The following GMDS variants were observed in gnomAD, a reference collection of about 807,000 sequenced individuals.
GMDS encodes GDP-mannose 4,6-dehydratase, also known as GDP-mannose 4,6 dehydratase.
A neutral mutation model predicts 49.9 loss-of-function variants in GMDS; 20 were observed. The ratio of observed to expected loss-of-function variants is 0.40; its 90% CI spans 0.28 to 0.58. The LOEUF is 0.58. Among genes scored for constraint, GMDS ranks in the 20% least tolerant of loss-of-function variants. The pLI is 0.42. For synonymous variants in GMDS, 177 were observed against 178.6 expected, an observed-to-expected ratio of 0.99 and a Z score of 0.07; for missense variants, 362 against 481.4, an observed-to-expected ratio of 0.75 and a Z score of 2.32.
intron 4 of GMDS, among the ~76,000 whole-genome samples, chr6:1,965,314 G>C (rs1404677595): frequency 1.3e-5 from 2 of 152,208 alleles, no homozygotes; most frequent in African/African-American, 4.8e-5. Flanking sequence ...AGATAGGGGA[G>C]CATGGGGGAA....
At chr6:2,087,740 G>A (rs1200122830) in intron 4 of GMDS, among the ~76,000 whole-genome samples, 5 of 152,142 alleles carry the variant, frequency 3.3e-5, no homozygotes, top group Admixed American at 3.3e-4. Flanking sequence ...AGTCTTGGAC[G>A]TTTAGTTATC....
At chr6:1,809,381 C>A (rs145055607) in intron 7 of GMDS, among the ~76,000 whole-genome samples, 1 of 152,166 alleles carries the variant, frequency 6.6e-6, no homozygotes, top group Non-Finnish European at 1.5e-5. Context: ...GAACCCATTA[C>A]CAGTAAGAGT....
intron 3 of GMDS, among the ~76,000 whole-genome samples, chr6:2,116,470 T>C (rs146998344): frequency 1.3e-5 from 2 of 152,346 alleles, no homozygotes; most frequent in African/African-American, 2.4e-5. Context: ...TGTACTAACT[T>C]GATCTTTTCA....
At chr6:2,097,472 A>G (rs1033406241) in intron 4 of GMDS, among the ~76,000 whole-genome samples, 2 of 152,350 alleles carry the variant, frequency 1.3e-5, no homozygotes, top group East Asian at 3.9e-4. Flanking sequence ...AACTGAATGT[A>G]AATTATGCCT....
chr6:1,736,172 A>C (rs1016194654), intron 8 of GMDS, among the ~76,000 whole-genome samples: 1 of 152,232 alleles, frequency 6.6e-6, no homozygotes, highest in African/African-American at 2.4e-5. Flanking sequence ...TAGATCTTGC[A>C]GGTGCCAATA....
At chr6:1,932,524 A>G (rs901689066) in intron 6 of GMDS, among the ~76,000 whole-genome samples, 1 of 151,152 alleles carries the variant, frequency 6.6e-6, no homozygotes, top group Non-Finnish European at 1.5e-5. Flanking sequence ...AAAATTAACT[A>G]TAATTTCTAA....
At chr6:1,984,682 A>C (rs1230194527) in intron 4 of GMDS, among the ~76,000 whole-genome samples, 2 of 152,156 alleles carry the variant, frequency 1.3e-5, no homozygotes, top group African/African-American at 2.4e-5. Context: ...ATGCTACCAA[A>C]ATTATCTTTC....
chr6:1,889,325 T>C (rs1281661292), intron 7 of GMDS, among the ~76,000 whole-genome samples: 1 of 152,150 alleles, frequency 6.6e-6, no homozygotes, highest in African/African-American at 2.4e-5. Context: ...CCTGCCTCTC[T>C]TCCTTCACTT....
chr6:1,934,796 T>C (rs762024746), intron 6 of GMDS, among the ~76,000 whole-genome samples: 7 of 152,172 alleles, frequency 4.6e-5, no homozygotes, highest in Non-Finnish European at 1.0e-4. Flanking sequence ...TACAGAAGAA[T>C]GCTCTTTTAA....
At chr6:2,129,168 C>G (rs1775601418) in intron 1 of GMDS, among the ~76,000 whole-genome samples, 1 of 152,108 alleles carries the variant, frequency 6.6e-6, no homozygotes, top group African/African-American at 2.4e-5. Flanking sequence ...ACCTAAAATT[C>G]CACAACTATG....
intron 7 of GMDS, among the ~76,000 whole-genome samples, chr6:1,924,068 T>G (rs1434618032): frequency 6.6e-6 from 1 of 152,236 alleles, no homozygotes; most frequent in African/African-American, 2.4e-5. Context: ...CTTCTTTACC[T>G]GATACAGCCA....
intron 4 of GMDS, among the ~76,000 whole-genome samples, chr6:2,002,202 T>C (rs6922565): frequency 0.71 from 108,081 of 151,920 alleles, 38,719 homozygotes; most frequent in African/African-American, 0.76. Context: ...TTCATTCATT[T>C]ATTCATTTAA....
At chr6:1,855,826 T>G (rs1251344480) in intron 7 of GMDS, among the ~76,000 whole-genome samples, 1 of 152,232 alleles carries the variant, frequency 6.6e-6, no homozygotes, top group African/African-American at 2.4e-5. Flanking sequence ...CAACAAATTT[T>G]AGGCACCATA....
rs72841980 is a variant in GMDS at position 1,926,065 on chromosome 6, G to A, written c.771+4038C>T. Among the ~76,000 whole-genome samples the A allele has an allele frequency of 6.0e-3, 906 of 152,214 alleles. 5 individuals are homozygous for A. The highest frequency in any genetic ancestry group is 8.3e-3 in the Non-Finnish European group (566 of 68,016). On this transcript the variant is annotated intron_variant, in intron 7 of 10. Coordinates refer to ENST00000380815, the MANE Select transcript of GMDS (RefSeq NM_001500.4). ...AGCCACTGAGAGACCCGACTCCAGG[G>A]GAAAACCACCTTCCCACACCATCTC...
rs767593289 is a variant in GMDS at position 2,043,924 on chromosome 6, T to C, written c.345+71847A>G. Among the ~76,000 whole-genome samples, 4 of 151,916 alleles carry C rather than the reference T, an allele frequency of 2.6e-5. No individual in the cohort carries two copies. The South Asian group carries it at 8.3e-4, about 31-fold the overall frequency. On this transcript the variant is annotated intron_variant, in intron 4 of 10. Coordinates refer to ENST00000380815, the MANE Select transcript of GMDS (RefSeq NM_001500.4). Reference sequence around the variant, plus strand: ...GCAAAGGACATGAACAGACACTTTATAAAAGAAGACATACGTGTGGCCAAC... The same window carrying C: ...GCAAAGGACATGAACAGACACTTTACAAAAGAAGACATACGTGTGGCCAAC...
intron 9 of GMDS, among the ~76,000 whole-genome samples, chr6:1,648,325 G>A (rs1033535588): frequency 6.6e-6 from 1 of 152,196 alleles, no homozygotes; most frequent in African/African-American, 2.4e-5. Context: ...GGACATTTCA[G>A]GTTCTACCTT....
chr6:2,019,221 T>C (rs1454969971), intron 4 of GMDS, among the ~76,000 whole-genome samples: 2 of 151,606 alleles, frequency 1.3e-5, no homozygotes, highest in South Asian at 2.1e-4. Flanking sequence ...ATCATCTATA[T>C]ACAATATAAG....
At chr6:1,800,417 A>T (rs1208457364) in intron 7 of GMDS, among the ~76,000 whole-genome samples, 1 of 151,796 alleles carries the variant, frequency 6.6e-6, no homozygotes, top group Non-Finnish European at 1.5e-5. Context: ...TGTTCTTATG[A>T]CTCCTACTCA....
chr6:2,157,496 G>A (rs1465848923), intron 1 of GMDS, among the ~76,000 whole-genome samples: 1 of 152,190 alleles, frequency 6.6e-6, no homozygotes, highest in African/African-American at 2.4e-5. Flanking sequence ...CAACTAATCT[G>A]CTGACCTGAG....
Sources: gnomAD v4.1 joint callset for allele counts (sites outside exome capture counted in the v4.1 genomes callset) on GRCh38, gnomAD v4.1.1 for gene constraint, MANE v1.5 for transcripts, NCBI Gene and HGNC (gene_info 2026-07-23, HGNC 2026-07-21) for gene names.